The following WDR27 variants were observed in gnomAD, a reference collection of about 807,000 sequenced individuals.
WDR27 encodes the protein WD repeat-containing protein 27.
Under a neutral mutation model 114.4 loss-of-function variants are expected in WDR27, and 100 were observed. The ratio of observed to expected loss-of-function variants is 0.87; its 90% CI spans 0.74 to 1.03. WDR27 has a LOEUF of 1.03. Ranked by LOEUF, WDR27 falls within the 50% of genes least tolerant of loss-of-function variation. The pLI, the probability that WDR27 is intolerant of heterozygous loss-of-function variation, is 0.00. For synonymous variants in WDR27, 449 were observed against 423.1 expected (o/e 1.06, Z -0.75); for missense variants, 1,129 against 1,092.9 (o/e 1.03, Z -0.47).
At chr6:169,500,694 G>C (rs1257681770) in intron 25 of WDR27, among the ~76,000 whole-genome samples, 1 of 152,166 alleles carries the variant, frequency 6.6e-6, no homozygotes. Flanking sequence ...AGTGGAAGCA[G>C]TCGCTGCACA....
chr6:169,699,061 C>G (rs894653952), intron 1 of WDR27, among the ~76,000 whole-genome samples: 4 of 152,182 alleles, frequency 2.6e-5, no homozygotes, highest in Non-Finnish European at 5.9e-5. Context: ...ACAGGTTCAA[C>G]TGCAACAACC....
chr6:169,637,106 T>A (rs372254955), intron 18 of WDR27, among the ~76,000 whole-genome samples: 32 of 152,346 alleles, frequency 2.1e-4, no homozygotes, highest in South Asian at 8.3e-4. Flanking sequence ...CATAATTTCA[T>A]GATTTGAAGG....
the WDR27 span, among the ~76,000 whole-genome samples, chr6:169,428,907 G>C: frequency 6.6e-6 from 1 of 152,168 alleles, no homozygotes; most frequent in Admixed American, 6.5e-5. Flanking sequence ...GAGGATGCCT[G>C]GCTTGTAAGG....
chr6:169,576,098 C>T (rs1274680863), intron 24 of WDR27, among the ~76,000 whole-genome samples: 2 of 152,230 alleles, frequency 1.3e-5, no homozygotes, highest in East Asian at 3.8e-4. Context: ...TAGACAGAGA[C>T]AGCACCAGAT....
rs749559955 is a variant in WDR27 at position 169,699,427 on chromosome 6, G to T, written c.-8+2124C>A. On this transcript the variant is annotated intron_variant, in intron 1 of 25. Transcript: ENST00000448612. ...AGTCAGGCTTGAACAGTAGACACAG[G>T]AAGAACGACAATGGCATCACCAGCA... 8.5e-5 allele frequency among the ~76,000 whole-genome samples: 13 copies of T among 152,268 alleles called. 1 individual carries two copies. Among genetic ancestry groups the T allele is most frequent in the South Asian group, 6.2e-4 (3 of 4,828 alleles).
In WDR27 at chr6:169,633,072, C is replaced by T. The variant is rs532762786; in HGVS notation, c.2102-4G>A. 6.6e-5 allele frequency: 104 copies of T among 1,573,714 alleles called. No homozygotes were observed. Among genetic ancestry groups the T allele is most frequent in the East Asian group, 6.2e-4 (27 of 43,880 alleles). Reference sequence around the variant, plus strand: ...CGGCCAGCTGCGAGTACGATGTCTGCGATAATCCAGTTAGGGAGCTCTTCT... The same window carrying T: ...CGGCCAGCTGCGAGTACGATGTCTGTGATAATCCAGTTAGGGAGCTCTTCT... On this transcript the variant is annotated splice_region_variant and splice_polypyrimidine_tract_variant and intron_variant, in intron 20 of 25. Coordinates refer to ENST00000448612, the MANE Select transcript of WDR27 (RefSeq NM_182552.5).
chr6:169,559,301 C>T (rs1209042920), intron 25 of WDR27: 1 of 152,190 alleles, frequency 6.6e-6, no homozygotes, highest in Admixed American at 6.5e-5. Context: ...TTTACATTCA[C>T]GGTTTGGCTG....
intron 24 of WDR27, among the ~76,000 whole-genome samples, chr6:169,575,411 TCCATCCATCCATCCAC>T (rs140149858): frequency 0.12 from 13,174 of 106,848 alleles, 1,910 homozygotes; most frequent in East Asian, 0.61. Flanking sequence ...CATCCATCCA[TCCATCCATCCATCCAC>T]CCACCATCAC....
the WDR27 span, among the ~76,000 whole-genome samples, chr6:169,427,609 C>A: frequency 2.0e-5 from 3 of 152,102 alleles, no homozygotes; most frequent in Admixed American, 6.5e-5. Context: ...TCTGCTGTGT[C>A]TGCAGAGCAG....
chr6:169,659,319 G>T lies in WDR27; in HGVS notation c.1198-112C>A. The T allele has an allele frequency of 5.1e-6, 8 of 1,557,128 alleles. No homozygotes were observed. Among genetic ancestry groups the T allele is most frequent in the South Asian group, 1.2e-5 (1 of 83,330 alleles). ...GCTTCATTCTCATAGCAGCGACATC[G>T]CCCTGTCACTCCTAAAACGTTTTTA... On this transcript the variant is annotated intron_variant, in intron 11 of 25. Transcript: ENST00000448612. The surrounding 1 kb of genome is among the most constrained non-coding windows in gnomAD (Gnocchi z 4.3).
At chr6:169,576,010 A>T (rs987359954) in intron 24 of WDR27, among the ~76,000 whole-genome samples, 1 of 152,318 alleles carries the variant, frequency 6.6e-6, no homozygotes, top group East Asian at 1.9e-4. Context: ...TATTTCAGAG[A>T]CGTGTCTGAT....
At chr6:169,480,842 A>G (rs1278274978) in intron 25 of WDR27, among the ~76,000 whole-genome samples, 4 of 148,372 alleles carry the variant, frequency 2.7e-5, no homozygotes, top group Admixed American at 6.6e-5. Context: ...AAATGCACCA[A>G]TCAGCACTCT....
intron 23 of WDR27, among the ~76,000 whole-genome samples, chr6:169,600,405 A>G (rs952556028): frequency 2.0e-5 from 3 of 152,206 alleles, no homozygotes; most frequent in Non-Finnish European, 4.4e-5. Context: ...AAATCAGAGC[A>G]CCACTCCTCC....
Position 169,658,290 on chromosome 6 carries a change from C to A in WDR27, c.1388G>T (p.Ser463Ile). The A allele has an allele frequency of 6.2e-7, 1 of 1,601,040 alleles. No homozygotes were observed. Among genetic ancestry groups the A allele is most frequent in the Non-Finnish European group, 8.5e-7 (1 of 1,174,026 alleles). ...IAKEKSTKAASEQRRAARNVM... is the reference protein window; with the variant it reads ...IAKEKSTKAAIEQRRAARNVM... ...CCTGTACTGACCACGTCGCTGTTCA[C>A]TAGCAGCCTTGGTACTCTTCTCCTT... The change falls in exon 13 of 26, where the codon AGT becomes ATT. Residue 463 changes from serine to isoleucine, a missense_variant. Transcript: ENST00000448612.
chr6:169,490,076 C>G (rs535842437), intron 25 of WDR27, among the ~76,000 whole-genome samples: 1 of 152,346 alleles, frequency 6.6e-6, no homozygotes, highest in African/African-American at 2.4e-5. Flanking sequence ...CGTAGGCTTT[C>G]AGGATGCCCT....
At chr6:169,651,306 A>G (rs2128243701) in intron 14 of WDR27, among the ~76,000 whole-genome samples, 1 of 151,894 alleles carries the variant, frequency 6.6e-6, no homozygotes, top group South Asian at 2.1e-4. Flanking sequence ...CAGGTAACAG[A>G]GCCATTTTGG....
chr6:169,698,136 C>T (rs1336374009), intron 1 of WDR27, among the ~76,000 whole-genome samples: 2 of 152,180 alleles, frequency 1.3e-5, no homozygotes, highest in Admixed American at 6.5e-5. Context: ...GAGGAAGCAC[C>T]AGCCTGCACT....
intron 21 of WDR27, among the ~76,000 whole-genome samples, chr6:169,618,162 A>T (rs1479522277): frequency 1.3e-5 from 2 of 152,208 alleles, no homozygotes; most frequent in Non-Finnish European, 2.9e-5. Context: ...TCTAAAACTA[A>T]TAAAGCAAAA....
At chr6:169,515,209 T>C (rs1303995027) in intron 25 of WDR27, among the ~76,000 whole-genome samples, 1 of 151,874 alleles carries the variant, frequency 6.6e-6, no homozygotes. Context: ...TAACTGTGTA[T>C]CAACAGAAAT....
Sources: allele counts gnomAD v4.1 joint callset (sites outside exome capture counted in the v4.1 genomes callset), GRCh38; gene constraint gnomAD v4.1.1; non-coding constraint Gnocchi (gnomAD v3.1); transcripts MANE v1.5; gene names NCBI Gene and HGNC (gene_info 2026-07-23, HGNC 2026-07-21).